The following ZNF831 variants were observed in gnomAD, a reference collection of about 807,000 sequenced individuals.
ZNF831 encodes zinc finger protein 831.
Under a neutral mutation model 95.8 loss-of-function variants are expected in ZNF831, and 59 were observed. The observed-to-expected ratio is 0.62, with a 90% CI of 0.50 to 0.77. The LOEUF (loss-of-function observed/expected upper bound fraction) is 0.77, where lower values mean the gene tolerates loss of function less well. ZNF831 is among the 30% of genes least tolerant of loss of function. The probability of loss-of-function intolerance (pLI) is 0.00; values close to 1 mark genes in which losing one functional copy is unlikely to be tolerated. For synonymous variants in ZNF831, 961 were observed against 925.5 expected (o/e 1.04, Z -0.70); for missense variants, 2,205 against 2,164.0 (o/e 1.02, Z -0.38).
At chr20:59,218,815 C>A (rs1008562392) in intron 4 of ZNF831, among the ~76,000 whole-genome samples, 1 of 151,986 alleles carries the variant, frequency 6.6e-6, no homozygotes, top group Admixed American at 6.6e-5. Context: ...GAGTTCAAGA[C>A]CAGCCTGGGC....
intron 1 of ZNF831, among the ~76,000 whole-genome samples, chr20:59,166,029 G>A (rs1227343509): frequency 6.6e-6 from 1 of 152,166 alleles, no homozygotes; most frequent in Non-Finnish European, 1.5e-5. Flanking sequence ...TGAGATTACA[G>A]GCGTGAGCTA....
chr20:59,172,394 A>C (rs1203751767), intron 1 of ZNF831, among the ~76,000 whole-genome samples: 1 of 152,162 alleles, frequency 6.6e-6, no homozygotes, highest in East Asian at 1.9e-4. Context: ...AGCCTGTCTC[A>C]ATAGTGGTGT....
chr20:59,156,765 T>C (rs968022769), intron 2 of ZNF831, among the ~76,000 whole-genome samples: 3 of 152,196 alleles, frequency 2.0e-5, no homozygotes, highest in African/African-American at 7.2e-5. Flanking sequence ...CAGATAGTAT[T>C]TTTCTTTCTC....
chr20:59,244,756 CT>C (rs1240407779), intron 4 of ZNF831, among the ~76,000 whole-genome samples: 1 of 152,174 alleles, frequency 6.6e-6, no homozygotes, highest in Non-Finnish European at 1.5e-5. Context: ...TTCTTTTCTT[CT>C]TAATATGTTT....
At chr20:59,218,360 C>G (rs1332330027) in intron 4 of ZNF831, among the ~76,000 whole-genome samples, 2 of 152,138 alleles carry the variant, frequency 1.3e-5, no homozygotes, top group Non-Finnish European at 2.9e-5. Flanking sequence ...GGAGGCAGAA[C>G]TTTAAACTCT....
intron 4 of ZNF831, among the ~76,000 whole-genome samples, chr20:59,221,524 T>C (rs1275571615): frequency 6.6e-6 from 1 of 152,172 alleles, no homozygotes; most frequent in Non-Finnish European, 1.5e-5. Context: ...AAAACAACCA[T>C]TGCTTCCTGC....
At chr20:59,253,167 A>C (rs1987988780) in intron 5 of ZNF831, 29 bp downstream of exon 5, 1 of 1,612,288 alleles carries the variant, frequency 6.2e-7, no homozygotes, top group African/African-American at 1.3e-5. Flanking sequence ...AGCTGCCTCT[A>C]CCTATTCCTG....
intron 4 of ZNF831, among the ~76,000 whole-genome samples, chr20:59,212,419 G>A (rs1220690994): frequency 6.6e-6 from 1 of 152,144 alleles, no homozygotes; most frequent in Non-Finnish European, 1.5e-5. Flanking sequence ...CCTAAATCCG[G>A]TAGTCCATTC....
intron 4 of ZNF831, among the ~76,000 whole-genome samples, chr20:59,219,951 G>T (rs1011378891): frequency 2.0e-5 from 3 of 152,114 alleles, no homozygotes; most frequent in Non-Finnish European, 2.9e-5. Flanking sequence ...CATTGAAGGA[G>T]AAGGTTGAAA....
At chr20:59,211,078 GA>G (rs1002280502) in intron 4 of ZNF831, among the ~76,000 whole-genome samples, 9 of 145,820 alleles carry the variant, frequency 6.2e-5, no homozygotes, top group African/African-American at 2.1e-4. Flanking sequence ...AATCCAAGGA[GA>G]AAAAAAAATT....
Position 59,194,263 on chromosome 20 carries a change from A to C in ZNF831, c.3244A>C (p.Ser1082Arg). The part of the protein sequence containing the change: ...SHRIHRLCMG[S>R]TLARARLSGD... ...CCGTATCCATCGCCTCTGCATGGGC[A>C]GCACTTTGGCAAGGGCCAGGCTCTC... The change falls in exon 2 of 6, where the codon AGC becomes CGC. Residue 1082 changes from serine (S) to arginine (R), a missense_variant. By Grantham distance (110) the Ser-to-Arg change is moderately radical. Coordinates refer to ENST00000371030, the MANE Select transcript of ZNF831 (RefSeq NM_178457.3). 1 of 1,614,036 alleles carries C rather than the reference A, an allele frequency of 6.2e-7. No homozygotes were observed. Among genetic ancestry groups the C allele is most frequent in the Non-Finnish European group, 8.5e-7 (1 of 1,180,004 alleles).
At chr20:59,200,091 T>C (rs550430690) in intron 3 of ZNF831, among the ~76,000 whole-genome samples, 8 of 152,316 alleles carry the variant, frequency 5.3e-5, no homozygotes, top group African/African-American at 1.9e-4. Flanking sequence ...CTCATCTGTC[T>C]TTTGAAAGTC....
chr20:59,158,359 G>A lies in ZNF831; in HGVS notation c.-1280-1293G>A, dbSNP rs563121398. ...GGGAGCATTTCCAGAAAGGGTCCAG[G>A]GGGCATTTATTTCCAAACAGTCTGT... On this transcript the variant is annotated intron_variant, in intron 2 of 7. Coordinates refer to the ZNF831 transcript ENST00000637017. Among the ~76,000 whole-genome samples the A allele has an allele frequency of 3.3e-5, 5 of 152,344 alleles. No homozygotes were observed. In the South Asian group the frequency reaches 6.2e-4, roughly 19 times the overall value.
chr20:59,253,859 T>TTCC, intron 5 of ZNF831, 39 bp from the exon 6 acceptor site: 9 of 915,762 alleles, frequency 9.8e-6, no homozygotes, highest in East Asian at 5.3e-5. Context: ...CCAATTAACC[T>TTCC]CCCCCCCCAC....
Position 59,191,578 on chromosome 20 carries a change from C to A in ZNF831, c.559C>A (p.Leu187Ile). ...CATCGCCTTTAAGACCCAGAGCAAT[C>A]TCTACAAGCACAGGCGGACGCAGAC... is the stretch of plus-strand genomic sequence containing the variant. Reference protein sequence around the residue: ...CGIAFKTQSNLYKHRRTQTHL... With the variant: ...CGIAFKTQSNIYKHRRTQTHL... Residue 187 changes from leucine (L) to isoleucine (I), a missense_variant, in exon 2 of 6, where the codon CTC becomes ATC. Transcript: ENST00000371030. 1 of 1,611,846 alleles carries A rather than the reference C, an allele frequency of 6.2e-7. No homozygotes were observed. The highest frequency in any genetic ancestry group is 1.1e-5 in the South Asian group (1 of 90,872).
intron 1 of ZNF831, among the ~76,000 whole-genome samples, chr20:59,176,667 A>G (rs1399880235): frequency 1.3e-5 from 2 of 152,180 alleles, no homozygotes; most frequent in African/African-American, 4.8e-5. Context: ...AAGAGTGCCT[A>G]TCCATACCTT....
At chr20:59,227,661 C>T (rs1040767810) in intron 4 of ZNF831, among the ~76,000 whole-genome samples, 3 of 152,060 alleles carry the variant, frequency 2.0e-5, no homozygotes, top group Non-Finnish European at 2.9e-5. Flanking sequence ...TATATTGATT[C>T]CTCATCCATA....
At chr20:59,168,059 T>G (rs1314263904) in intron 1 of ZNF831, among the ~76,000 whole-genome samples, 4 of 152,248 alleles carry the variant, frequency 2.6e-5, no homozygotes, top group Admixed American at 6.5e-5. Context: ...TCAAACTTGT[T>G]TGAGTTATTC....
At chr20:59,141,536 G>A (rs959386499) in intron 1 of ZNF831, among the ~76,000 whole-genome samples, 1 of 152,162 alleles carries the variant, frequency 6.6e-6, no homozygotes, top group Non-Finnish European at 1.5e-5. Flanking sequence ...ATATTTGTGT[G>A]GGTCTATTTC....
Sources: allele counts gnomAD v4.1 joint callset (sites outside exome capture counted in the v4.1 genomes callset), GRCh38; gene constraint gnomAD v4.1.1; transcripts MANE v1.5; gene names NCBI Gene and HGNC (gene_info 2026-07-23, HGNC 2026-07-21).